PCDHA1: variants seen among roughly 807,000 people sequenced by gnomAD.
PCDHA1 encodes protocadherin alpha-1.
Under a neutral mutation model 61.3 loss-of-function variants are expected in PCDHA1, and 42 were observed. The observed-to-expected ratio is 0.69, with a 90% CI of 0.54 to 0.89. PCDHA1 has a LOEUF of 0.89. Among genes scored for constraint, PCDHA1 ranks in the 40% least tolerant of loss-of-function variants. PCDHA1 has a pLI of 0.00. For missense variants in PCDHA1, 1,256 were observed against 1,235.3 expected (o/e 1.02, Z -0.25); for synonymous variants, 610 against 553.8 (o/e 1.10, Z -1.43).
chr5:140,874,215 G>A (rs2054781939), intron 1 of PCDHA1, among the ~76,000 whole-genome samples: 1 of 152,180 alleles, frequency 6.6e-6, no homozygotes, highest in Non-Finnish European at 1.5e-5. Context: ...ATTATTATAT[G>A]CAGTAGGAAT....
chr5:140,857,209 T>C (rs2044423092), intron 1 of PCDHA1: 1 of 1,598,580 alleles, frequency 6.3e-7, no homozygotes, highest in South Asian at 1.1e-5. Flanking sequence ...TCACCTGCTC[T>C]CTGACGCCTC....
intron 1 of PCDHA1, chr5:140,804,887 C>T: frequency 3.1e-6 from 2 of 638,802 alleles, no homozygotes; most frequent in Non-Finnish European, 4.9e-6. Context: ...GACTCCTCTC[C>T]TTCCCCTCAC....
Position 140,927,758 on chromosome 5 carries a change from A to C in PCDHA1, c.2395-51191A>C, listed in dbSNP as rs781942462. 3 of 1,614,170 alleles carry C rather than the reference A, an allele frequency of 1.9e-6. No individual in the cohort carries two copies. In the South Asian group the frequency reaches 3.3e-5, roughly 18 times the overall value. Reference sequence around the variant, plus strand: ...CGACACCGCTTTCACGTGCACCCTAAAAGTGGGGAGGTGCAAGTAGCTGCT... The same window carrying C: ...CGACACCGCTTTCACGTGCACCCTACAAGTGGGGAGGTGCAAGTAGCTGCT... On this transcript the variant is annotated intron_variant, in intron 1 of 3. Transcript: ENST00000504120.
intron 1 of PCDHA1, among the ~76,000 whole-genome samples, chr5:140,872,788 G>A (rs1419437796): frequency 6.6e-6 from 1 of 152,076 alleles, no homozygotes. Context: ...ATATATGCTA[G>A]TTGGCATTCT....
intron 1 of PCDHA1, among the ~76,000 whole-genome samples, chr5:140,833,838 T>G (rs1290459937): frequency 6.6e-6 from 1 of 152,186 alleles, no homozygotes; most frequent in Non-Finnish European, 1.5e-5. Context: ...AGTACAGGAT[T>G]TTTCTTAACA....
chr5:140,925,641 TATA>T (rs10569930), intron 1 of PCDHA1, among the ~76,000 whole-genome samples: 13,718 of 143,270 alleles, frequency 0.096, 957 homozygotes, highest in East Asian at 0.35. Context: ...GAACTTAAAG[TATA>T]ATAATAATAA....
chr5:140,827,978 G>A, intron 1 of PCDHA1: 1 of 1,411,616 alleles, frequency 7.1e-7, no homozygotes, highest in Non-Finnish European at 9.6e-7. Flanking sequence ...ATCATTCCCT[G>A]ACTGTTGAAT....
rs2150250387 is a variant in PCDHA1 at position 140,836,006 on chromosome 5, C to T, written c.2394+47322C>T. 26 of 1,613,312 alleles carry T rather than the reference C, an allele frequency of 1.6e-5. 1 individual carries two copies. Among genetic ancestry groups the T allele is most frequent in the Non-Finnish European group, 2.2e-5 (26 of 1,179,716 alleles). On this transcript the variant is annotated intron_variant, in intron 1 of 3. Transcript: ENST00000504120. ...TCCAGGTGAGCGCGCGCGATGCGGG[C>T]GTGCCGCCTCTGGGCAGCAACGTGA...
intron 1 of PCDHA1, chr5:140,871,726 T>A (rs1412265993): frequency 1.3e-6 from 1 of 740,884 alleles, no homozygotes; most frequent in Non-Finnish European, 2.1e-6. Flanking sequence ...CTCTTAATAT[T>A]TGGTTAGCAA....
Position 140,856,497 on chromosome 5 carries a change from G to A in PCDHA1, c.2394+67813G>A, listed in dbSNP as rs782069130. 1.1e-5 allele frequency: 17 copies of A among 1,598,346 alleles called. 1 individual carries two copies. Among genetic ancestry groups the A allele is most frequent in the Admixed American group, 5.1e-5 (3 of 59,216 alleles). ...CCTGAATCCAGACTGCTTGACTCTC[G>A]ATTTCCACTAGAAGGCGCATCTGAT... On this transcript the variant is annotated intron_variant, in intron 1 of 3. Transcript: ENST00000504120.
intron 1 of PCDHA1, chr5:140,801,053 G>A (rs1762630152): frequency 8.3e-6 from 12 of 1,443,786 alleles, no homozygotes; most frequent in Non-Finnish European, 1.1e-5. Context: ...AAATAACAGC[G>A]TGCATTACGT....
chr5:140,818,173 A>G (rs1766295678), intron 1 of PCDHA1, among the ~76,000 whole-genome samples: 1 of 152,154 alleles, frequency 6.6e-6, no homozygotes, highest in Non-Finnish European at 1.5e-5. Context: ...ATTTTCTCTT[A>G]TATTCTTCTG....
At chr5:140,879,483 T>C (rs2153367251) in intron 1 of PCDHA1, among the ~76,000 whole-genome samples, 1 of 152,292 alleles carries the variant, frequency 6.6e-6, no homozygotes, top group Non-Finnish European at 1.5e-5. Context: ...TGATTGGAAA[T>C]ATGGGTCTGG....
chr5:140,852,702 A>G, intron 1 of PCDHA1: 1 of 977,718 alleles, frequency 1.0e-6, no homozygotes, highest in Non-Finnish European at 1.2e-6. Context: ...ACTTTCAAGT[A>G]TCTTTGTCTT....
At chr5:140,960,148 T>C (rs782110022) in intron 1 of PCDHA1, among the ~76,000 whole-genome samples, 16 of 152,198 alleles carry the variant, frequency 1.1e-4, no homozygotes, top group Admixed American at 4.6e-4. Context: ...ATTAATAGCT[T>C]GAGACTGATA....
chr5:140,838,098 G>T (rs1775538367), intron 1 of PCDHA1, among the ~76,000 whole-genome samples: 1 of 147,360 alleles, frequency 6.8e-6, no homozygotes, highest in African/African-American at 2.6e-5. Flanking sequence ...GTGTGTGTGT[G>T]TGTGTGTGTG....
In PCDHA1 at chr5:140,787,946, G is replaced by C; in HGVS notation, c.1656G>C (p.Gln552His). ...CTCTGGGCAGCAACGTGACGCTGCA[G>C]GTGTTCGTGCTGGACGAGAACGACA... ...VPPLGSNVTLQVFVLDENDNA... is the reference protein window; with the variant it reads ...VPPLGSNVTLHVFVLDENDNA... The change falls in exon 1 of 4, where the codon CAG becomes CAC. Residue 552 changes from glutamine to histidine, a missense_variant. Gln to His is a conservative substitution (Grantham distance 24). Transcript: ENST00000504120. 3 of 1,613,920 alleles carry C rather than the reference G, an allele frequency of 1.9e-6. No individual in the cohort carries two copies. The highest frequency in any genetic ancestry group is 2.5e-6 in the Non-Finnish European group (3 of 1,179,906).
At position 140,884,402 on chromosome 5, in the gene PCDHA1, G is replaced by T. The variant is rs782512270; in HGVS notation, c.2395-94547G>T. 2.6e-5 allele frequency: 42 copies of T among 1,613,886 alleles called. 1 individual carries two copies. The Middle Eastern group carries it at 1.3e-3, about 51-fold the overall frequency. The stretch of plus-strand genomic sequence containing the variant: ...CATCTGCGCGGTGTCCAGCCTGTTG[G>T]TGCTCACGTTGCTGCTGTATACTGC... On this transcript the variant is annotated intron_variant, in intron 1 of 3. Coordinates refer to ENST00000504120, the MANE Select transcript of PCDHA1 (RefSeq NM_018900.4).
In PCDHA1 at chr5:140,786,268, A is replaced by T; in HGVS notation, c.-23A>T. The T allele has an allele frequency of 6.4e-7, 1 of 1,561,896 alleles. No homozygotes were observed. Among genetic ancestry groups the T allele is most frequent in the Non-Finnish European group, 8.6e-7 (1 of 1,157,014 alleles). On this transcript the variant is annotated 5_prime_UTR_variant, in exon 1 of 4. Coordinates refer to ENST00000504120, the MANE Select transcript of PCDHA1 (RefSeq NM_018900.4). Reference sequence around the variant, plus strand: ...TGATTTTGAAGTAAGAGGAGAGCATAAGAAAGGTGTAGTCCTTTTGCAATG... The same window carrying T: ...TGATTTTGAAGTAAGAGGAGAGCATTAGAAAGGTGTAGTCCTTTTGCAATG...
Sources: allele counts gnomAD v4.1 joint callset (sites outside exome capture counted in the v4.1 genomes callset), GRCh38; gene constraint gnomAD v4.1.1; transcripts MANE v1.5; gene names NCBI Gene and HGNC (gene_info 2026-07-23, HGNC 2026-07-21).